PCCA: variants seen among roughly 807,000 people sequenced by gnomAD.
PCCA encodes propionyl-CoA carboxylase subunit alpha.
Under a neutral mutation model 101.3 loss-of-function variants are expected in PCCA, and 74 were observed. The observed-to-expected ratio is 0.73, with a 90% CI of 0.61 to 0.89. The LOEUF is 0.89. Among genes scored for constraint, PCCA ranks in the 40% least tolerant of loss-of-function variants. The probability of loss-of-function intolerance (pLI) is 0.00; values close to 1 mark genes in which losing one functional copy is unlikely to be tolerated. For missense variants in PCCA, 891 were observed against 907.0 expected (o/e 0.98, Z 0.23); for synonymous variants, 294 against 313.6 (o/e 0.94, Z 0.66).
intron 13 of PCCA, 121 bp from the exon 14 acceptor site, chr13:100,302,803 T>C: frequency 1.4e-6 from 1 of 731,296 alleles, no homozygotes; most frequent in South Asian, 1.4e-5. Context: ...AAATCTGTGA[T>C]TTGGTAAATA....
chr13:100,426,991 G>A lies in PCCA; in HGVS notation c.1845+1260G>A, dbSNP rs376339700. 9.1e-4 allele frequency among the ~76,000 whole-genome samples: 139 copies of A among 152,286 alleles called. 4 individuals carry two copies. The South Asian group carries it at 0.025, about 27-fold the overall frequency. On this transcript the variant is annotated intron_variant, in intron 20 of 23. Transcript: ENST00000376285. ...AGCACTTTGGGAGGCCAAGGCAGGCGGATCACCTGAGGTGAAGCGTTCCAG... is the reference window on the plus strand; with the variant it reads ...AGCACTTTGGGAGGCCAAGGCAGGCAGATCACCTGAGGTGAAGCGTTCCAG...
chr13:100,432,937 A>G (rs1045869075), intron 20 of PCCA, among the ~76,000 whole-genome samples: 6 of 152,210 alleles, frequency 3.9e-5, no homozygotes, highest in African/African-American at 1.4e-4. Context: ...TACTGTCTTC[A>G]AGGTTCATCC....
intron 7 of PCCA, among the ~76,000 whole-genome samples, chr13:100,212,173 G>T (rs1053093176): frequency 8.5e-5 from 13 of 152,140 alleles, no homozygotes; most frequent in Non-Finnish European, 1.5e-5. Context: ...ATTAAAAGCT[G>T]AACTCATCTT....
chr13:100,124,119 T>C (rs76465665), intron 4 of PCCA, among the ~76,000 whole-genome samples: 1,855 of 152,262 alleles, frequency 0.012, 41 homozygotes, highest in African/African-American at 0.034. Context: ...AAATATATTG[T>C]CACATTTATA....
chr13:100,194,668 C>G (rs964697600), intron 6 of PCCA, among the ~76,000 whole-genome samples: 9 of 152,318 alleles, frequency 5.9e-5, no homozygotes, highest in African/African-American at 2.2e-4. Context: ...ATCTGCCCAC[C>G]TTGGCCTCCC....
chr13:100,476,696 CAAAT>C (rs1276631981), intron 21 of PCCA, among the ~76,000 whole-genome samples: 1 of 152,188 alleles, frequency 6.6e-6, no homozygotes, highest in Non-Finnish European at 1.5e-5. Flanking sequence ...ATCTGAATCA[CAAAT>C]AAGCATCCAG....
intron 2 of PCCA, among the ~76,000 whole-genome samples, chr13:100,106,445 C>G (rs1368536482): frequency 6.6e-6 from 1 of 152,148 alleles, no homozygotes; most frequent in African/African-American, 2.4e-5. Context: ...GAGTCTCGCT[C>G]TGTCACCCAG....
Position 100,186,675 on chromosome 13 carries a change from AGG to A in PCCA, c.469-22656_469-22655del, listed in dbSNP as rs1355105249. On this transcript the variant is annotated intron_variant, in intron 6 of 23. Coordinates refer to ENST00000376285, the MANE Select transcript of PCCA (RefSeq NM_000282.4). ...GAGAATCACTTGAACAGGGAGGTGG[AGG>A]TTGCAGTGAGCCAAGATCGCATCAC... Among the ~76,000 whole-genome samples, 419 of 150,012 alleles carry A rather than the reference AGG, an allele frequency of 2.8e-3. 3 individuals carry two copies. Among genetic ancestry groups the A allele is most frequent in the Non-Finnish European group, 4.2e-3 (286 of 67,598 alleles).
At chr13:100,224,956 A>T (rs755389525) in intron 7 of PCCA, among the ~76,000 whole-genome samples, 1 of 152,202 alleles carries the variant, frequency 6.6e-6, no homozygotes, top group Non-Finnish European at 1.5e-5. Flanking sequence ...TATGGGCTGG[A>T]ATGTGATGTA....
rs373061702 is a variant in PCCA, at chr13:100,140,953, C to T, written c.301-14026C>T. On this transcript the variant is annotated intron_variant, in intron 4 of 23. Transcript: ENST00000376285. Reference sequence around the variant, plus strand: ...TTTTCATTGTTGATAGCACTATGTCCTAACCTTCATCTGAGGTTACTGGGA... The same window carrying T: ...TTTTCATTGTTGATAGCACTATGTCTTAACCTTCATCTGAGGTTACTGGGA... Among the ~76,000 whole-genome samples the T allele has an allele frequency of 4.6e-5, 7 of 152,272 alleles. No homozygotes were observed. The South Asian group carries it at 1.2e-3, about 27-fold the overall frequency.
intron 4 of PCCA, among the ~76,000 whole-genome samples, chr13:100,121,009 A>C (rs907916190): frequency 6.6e-6 from 1 of 152,150 alleles, no homozygotes; most frequent in East Asian, 1.9e-4. Context: ...TACTACTATA[A>C]GTGTAATTAG....
intron 16 of PCCA, 41 bp from the exon 17 acceptor site, chr13:100,330,520 C>G: frequency 2.5e-6 from 3 of 1,210,996 alleles, no homozygotes; most frequent in Non-Finnish European, 3.7e-6. Flanking sequence ...CAATTTTTCA[C>G]TGATTCATTG....
intron 18 of PCCA, among the ~76,000 whole-genome samples, chr13:100,365,934 A>C (rs773537008): frequency 6.6e-6 from 1 of 152,202 alleles, no homozygotes; most frequent in Non-Finnish European, 1.5e-5. Flanking sequence ...TCTCTGCCTC[A>C]TGGTAGCTTG....
intron 21 of PCCA, among the ~76,000 whole-genome samples, chr13:100,508,527 A>G (rs1442902388): frequency 6.6e-6 from 1 of 152,238 alleles, no homozygotes; most frequent in African/African-American, 2.4e-5. Context: ...CAATGTATTG[A>G]CATTATCAAT....
At chr13:100,285,812 C>T (rs533476971) in intron 12 of PCCA, among the ~76,000 whole-genome samples, 2 of 152,294 alleles carry the variant, frequency 1.3e-5, no homozygotes, top group African/African-American at 4.8e-5. Flanking sequence ...TAATCCTGAC[C>T]TTAACCTATA....
At chr13:100,197,919 AT>A (rs1382432057) in intron 6 of PCCA, among the ~76,000 whole-genome samples, 1 of 152,228 alleles carries the variant, frequency 6.6e-6, no homozygotes, top group African/African-American at 2.4e-5. Flanking sequence ...ATTAAAAAAA[AT>A]AAAAGTCTGA....
rs549168179 is a variant in PCCA, at chr13:100,233,359, C to T, written c.601-2483C>T. Among the ~76,000 whole-genome samples the T allele has an allele frequency of 3.9e-5, 6 of 152,288 alleles. No homozygotes were observed. In the South Asian group the frequency reaches 1.2e-3, roughly 32 times the overall value. On this transcript the variant is annotated intron_variant, in intron 7 of 23. Transcript: ENST00000376285. ...CTGTAATTAGGAGCAAGGCTGAGCACAGATATTGTGCTTCTGGAACTGTTT... is the reference window on the plus strand; with the variant it reads ...CTGTAATTAGGAGCAAGGCTGAGCATAGATATTGTGCTTCTGGAACTGTTT...
intron 19 of PCCA, among the ~76,000 whole-genome samples, 163 bp downstream of exon 19, chr13:100,368,737 C>G (rs553494632): frequency 1.3e-5 from 2 of 152,044 alleles, no homozygotes; most frequent in Non-Finnish European, 2.9e-5. Context: ...TTTTTGTTCT[C>G]TTATGCTTAT....
At chr13:100,253,494 G>T (rs777196643) in intron 8 of PCCA, among the ~76,000 whole-genome samples, 1 of 152,126 alleles carries the variant, frequency 6.6e-6, no homozygotes, top group Non-Finnish European at 1.5e-5. Flanking sequence ...AAAGTAAGAC[G>T]CACTGGTAGC....
Sources: gnomAD v4.1 joint callset for allele counts (sites outside exome capture counted in the v4.1 genomes callset) on GRCh38, gnomAD v4.1.1 for gene constraint, MANE v1.5 for transcripts, NCBI Gene and HGNC (gene_info 2026-07-23, HGNC 2026-07-21) for gene names.